Variants in PDLIM5 observed in about 807,000 individuals in gnomAD.
PDLIM5 encodes PDZ and LIM domain protein 5.
Under a neutral mutation model 64.2 loss-of-function variants are expected in PDLIM5, and 34 were observed. The ratio of observed to expected loss-of-function variants is 0.53; its 90% CI spans 0.40 to 0.71. PDLIM5 has a LOEUF of 0.71. Ranked by LOEUF, PDLIM5 falls within the 30% of genes least tolerant of loss-of-function variation. The pLI is 0.00. For synonymous variants in PDLIM5, 253 were observed against 269.1 expected (o/e 0.94, Z 0.59); for missense variants, 683 against 733.6 (o/e 0.93, Z 0.80).
chr4:94,649,256 G>T (rs141058442), intron 9 of PDLIM5, among the ~76,000 whole-genome samples: 1 of 152,098 alleles, frequency 6.6e-6, no homozygotes, highest in Non-Finnish European at 1.5e-5. Context: ...GATTACAGGC[G>T]TGAGCCACCA....
At chr4:94,578,626 C>T (rs1735482817) in intron 5 of PDLIM5, among the ~76,000 whole-genome samples, 1 of 152,090 alleles carries the variant, frequency 6.6e-6, no homozygotes, top group Admixed American at 6.6e-5. Flanking sequence ...CTTTACTAGT[C>T]AGTGATGTGT....
At chr4:94,515,174 A>G (rs1357343064) in intron 2 of PDLIM5, among the ~76,000 whole-genome samples, 1 of 152,168 alleles carries the variant, frequency 6.6e-6, no homozygotes, top group African/African-American at 2.4e-5. Flanking sequence ...GGAGCATTGT[A>G]TTATGGAGAG....
chr4:94,530,817 A>G (rs1010933650), intron 3 of PDLIM5, among the ~76,000 whole-genome samples: 2 of 152,162 alleles, frequency 1.3e-5, no homozygotes, highest in African/African-American at 4.8e-5. Flanking sequence ...TAATAGGTAC[A>G]TTGGATTATA....
intron 3 of PDLIM5, among the ~76,000 whole-genome samples, chr4:94,564,656 CTTTTT>C (rs768721210): frequency 1.3e-4 from 14 of 104,536 alleles, no homozygotes; most frequent in African/African-American, 3.9e-4. Flanking sequence ...AATTTTGTCT[CTTTTT>C]TTTTTTTTTT....
At chr4:94,523,148 T>C (rs902505624) in intron 2 of PDLIM5, among the ~76,000 whole-genome samples, 1 of 152,210 alleles carries the variant, frequency 6.6e-6, no homozygotes, top group African/African-American at 2.4e-5. Context: ...GTTTCCCTTC[T>C]GCAAATGCCT....
chr4:94,659,386 T>C (rs1488429325), intron 11 of PDLIM5, among the ~76,000 whole-genome samples: 1 of 152,114 alleles, frequency 6.6e-6, no homozygotes, highest in African/African-American at 2.4e-5. Context: ...CTAACTTGCT[T>C]TCACCCTTTT....
At chr4:94,587,899 A>G in intron 7 of PDLIM5, 5 of 907,374 alleles carry the variant, frequency 5.5e-6, no homozygotes, top group South Asian at 5.1e-5. Context: ...ATAAATTACA[A>G]TATGAATGAT....
chr4:94,598,733 A>G (rs755873186), intron 7 of PDLIM5, among the ~76,000 whole-genome samples: 1 of 152,144 alleles, frequency 6.6e-6, no homozygotes, highest in Non-Finnish European at 1.5e-5. Context: ...ATACAGTTTT[A>G]GGTTATGATA....
In PDLIM5 at chr4:94,657,484, T is replaced by G; in HGVS notation, c.1522T>G (p.Cys508Gly). 6.2e-7 allele frequency: 1 copy of G among 1,607,532 alleles called. No individual in the cohort carries two copies. The highest frequency in any genetic ancestry group is 8.5e-7 in the Non-Finnish European group (1 of 1,173,962). Residue 508 changes from cysteine (C) to glycine (G), a missense_variant, in exon 11 of 13, where the codon TGT becomes GGT. Physicochemically the swap from Cys to Gly is radical, Grantham distance 159. Coordinates refer to ENST00000317968, the MANE Select transcript of PDLIM5 (RefSeq NM_006457.5). ...TGTTTCCTGTTTTGTGTGTGTAGCC[T>G]GTGGAAAGCCCATTCGGAACAATGT... ...WHVSCFVCVA[C>G]GKPIRNNVFH...
At chr4:94,636,106 A>C (rs1475024873) in intron 8 of PDLIM5, among the ~76,000 whole-genome samples, 1 of 152,176 alleles carries the variant, frequency 6.6e-6, no homozygotes, top group African/African-American at 2.4e-5. Flanking sequence ...ATGGCTTCTC[A>C]TGCTAAATAA....
chr4:94,653,778 C>T (rs369399838), intron 9 of PDLIM5, among the ~76,000 whole-genome samples: 5 of 151,928 alleles, frequency 3.3e-5, no homozygotes, highest in African/African-American at 1.2e-4. Context: ...GGGTTCTTAC[C>T]ACAATAAAAT....
At chr4:94,548,029 C>T (rs1368026854) in intron 3 of PDLIM5, among the ~76,000 whole-genome samples, 1 of 152,166 alleles carries the variant, frequency 6.6e-6, no homozygotes, top group Non-Finnish European at 1.5e-5. Context: ...AAGTCTCTCA[C>T]CATTATCGTA....
intron 8 of PDLIM5, among the ~76,000 whole-genome samples, chr4:94,639,838 A>G (rs1740856263): frequency 6.6e-6 from 1 of 152,024 alleles, no homozygotes; most frequent in Admixed American, 6.5e-5. Context: ...AGACCAGCGG[A>G]CCAACATGGA....
At chr4:94,551,907 A>G (rs1234688133) in intron 3 of PDLIM5, among the ~76,000 whole-genome samples, 1 of 152,138 alleles carries the variant, frequency 6.6e-6, no homozygotes, top group East Asian at 1.9e-4. Flanking sequence ...GGCTTTAGGA[A>G]ATACATTATT....
Position 94,455,338 on chromosome 4 carries a change from G to T in PDLIM5, c.50G>T (p.Arg17Leu). ...GTTGGCCCAGCTCCTTGGGGTTTCC[G>T]GCTGCAGGGCGGTAAGGATTTCAAC... ...SLVGPAPWGFRLQGGKDFNMP... is the reference protein window; with the variant it reads ...SLVGPAPWGFLLQGGKDFNMP... The change falls in exon 2 of 13, where the codon CGG (arginine) becomes CTG (leucine). Residue 17 changes from arginine to leucine, a missense_variant. Transcript: ENST00000317968. 1 of 1,613,748 alleles carries T rather than the reference G, an allele frequency of 6.2e-7. No homozygotes were observed. Among genetic ancestry groups the T allele is most frequent in the Non-Finnish European group, 8.5e-7 (1 of 1,179,656 alleles).
Position 94,664,067 on chromosome 4 carries a change from A to G in PDLIM5, c.1791A>G (p.Ter597TrpextTer22). The G allele has an allele frequency of 1.3e-6, 2 of 1,597,646 alleles. No individual in the cohort carries two copies. Among genetic ancestry groups the G allele is most frequent in the Non-Finnish European group, 8.6e-7 (1 of 1,169,352 alleles). Residue 597 changes from the stop codon to tryptophan (W), a stop_lost, in exon 13 of 13, where the codon TGA (stop) becomes TGG (tryptophan). Transcript: ENST00000317968. The part of the protein sequence containing the change: ...CKKHAHSVNF[*>W] ...AACATGCTCATTCTGTGAATTTTTGAAAGTCAACAGTTCAGGAGAAGAGAA... is the reference window on the plus strand; with the variant it reads ...AACATGCTCATTCTGTGAATTTTTGGAAGTCAACAGTTCAGGAGAAGAGAA...
intron 2 of PDLIM5, among the ~76,000 whole-genome samples, chr4:94,469,856 A>G (rs1724692532): frequency 6.6e-6 from 1 of 152,108 alleles, no homozygotes. Flanking sequence ...ACTCATTTAA[A>G]TATATGTTTG....
At chr4:94,485,007 A>G (rs922922138) in intron 2 of PDLIM5, among the ~76,000 whole-genome samples, 7 of 152,140 alleles carry the variant, frequency 4.6e-5, no homozygotes, top group African/African-American at 1.7e-4. Flanking sequence ...ACATGACTAC[A>G]TAAAAGAGAG....
At chr4:94,634,635 T>C (rs145495724) in intron 8 of PDLIM5, among the ~76,000 whole-genome samples, 210 of 152,338 alleles carry the variant, frequency 1.4e-3, no homozygotes, top group Middle Eastern at 6.8e-3. Flanking sequence ...CTGATTAACT[T>C]CATGCCTATT....
Sources: gnomAD v4.1 joint callset for allele counts (sites outside exome capture counted in the v4.1 genomes callset) on GRCh38, gnomAD v4.1.1 for gene constraint, MANE v1.5 for transcripts, NCBI Gene and HGNC (gene_info 2026-07-23, HGNC 2026-07-21) for gene names.